The following PRICKLE1 variants were observed in gnomAD, a reference collection of about 807,000 sequenced individuals.
PRICKLE1 encodes the protein prickle-like protein 1.
In PRICKLE1, 14 loss-of-function variants were observed where a neutral mutation model predicts 70.2. That is an observed-to-expected ratio of 0.20 (90% confidence interval 0.13 to 0.31). The LOEUF (loss-of-function observed/expected upper bound fraction) is 0.31. PRICKLE1 is among the 10% of genes least tolerant of loss of function. PRICKLE1 has a pLI of 1.00. For synonymous variants in PRICKLE1, 357 were observed against 379.9 expected (o/e 0.94, Z 0.70); for missense variants, 821 against 1,026.2 (o/e 0.80, Z 2.73).
At chr12:42,533,200 ATTTTTTTTTCTTCTTT>A (rs1234308990) in intron 1 of PRICKLE1, among the ~76,000 whole-genome samples, 1 of 147,274 alleles carries the variant, frequency 6.8e-6, no homozygotes, top group Non-Finnish European at 1.5e-5. Flanking sequence ...CTGGGGATAG[ATTTTTTTTTCTTCTTT>A]TTTTTTTTTC....
At chr12:42,516,105 A>G (rs950193454) in intron 1 of PRICKLE1, among the ~76,000 whole-genome samples, 3 of 150,118 alleles carry the variant, frequency 2.0e-5, no homozygotes, top group African/African-American at 7.3e-5. Flanking sequence ...AGCTTCCAAG[A>G]CTTCTAGCAA....
chr12:42,511,060 G>T (rs1482929076), intron 1 of PRICKLE1, among the ~76,000 whole-genome samples: 1 of 152,208 alleles, frequency 6.6e-6, no homozygotes, highest in African/African-American at 2.4e-5. Context: ...GATGCCCTGG[G>T]TGTGCCCCTC....
chr12:42,546,865 C>T (rs1313182523), intron 1 of PRICKLE1, among the ~76,000 whole-genome samples: 1 of 152,108 alleles, frequency 6.6e-6, no homozygotes, highest in Non-Finnish European at 1.5e-5. Flanking sequence ...GTGGCTTTTT[C>T]GAAACCTTTA....
At chr12:42,552,312 C>T (rs1940332099) in intron 1 of PRICKLE1, among the ~76,000 whole-genome samples, 1 of 152,132 alleles carries the variant, frequency 6.6e-6, no homozygotes, top group Admixed American at 6.5e-5. Context: ...AAGCAATCCT[C>T]CCACCTTGGC....
intron 1 of PRICKLE1, among the ~76,000 whole-genome samples, chr12:42,521,837 T>C (rs989171612): frequency 3.3e-5 from 5 of 152,190 alleles, no homozygotes; most frequent in Admixed American, 3.3e-4. Flanking sequence ...AAAGCAATAG[T>C]GAAGAGTGAA....
intron 1 of PRICKLE1, among the ~76,000 whole-genome samples, chr12:42,547,653 TC>T (rs1340392188): frequency 3.9e-5 from 6 of 152,194 alleles, no homozygotes; most frequent in Non-Finnish European, 7.3e-5. Flanking sequence ...AATAATATGA[TC>T]TATTATCATT....
intron 2 of PRICKLE1, 69 bp downstream of exon 2, chr12:42,472,316 A>G (rs1338051814): frequency 1.9e-6 from 3 of 1,561,664 alleles, no homozygotes; most frequent in Non-Finnish European, 2.6e-6. Flanking sequence ...TCCATTTACA[A>G]AATAATGTTC....
intron 1 of PRICKLE1, among the ~76,000 whole-genome samples, chr12:42,489,425 C>T (rs1452202743): frequency 2.0e-5 from 3 of 150,070 alleles, no homozygotes; most frequent in African/African-American, 4.9e-5. Context: ...TTTGGAAGGC[C>T]GAGGTGGGCA....
At chr12:42,505,404 G>A (rs377219475) in intron 1 of PRICKLE1, among the ~76,000 whole-genome samples, 2 of 152,262 alleles carry the variant, frequency 1.3e-5, no homozygotes, top group African/African-American at 4.8e-5. Flanking sequence ...TATTAGATAT[G>A]ATGCATGGGA....
At chr12:42,545,303 C>A (rs1940188786) in intron 1 of PRICKLE1, among the ~76,000 whole-genome samples, 1 of 152,102 alleles carries the variant, frequency 6.6e-6, no homozygotes, top group South Asian at 2.1e-4. Context: ...CCATGTCTGG[C>A]CTCACACTGA....
intron 1 of PRICKLE1, chr12:42,484,112 C>T (rs1037561231): frequency 4.2e-4 from 63 of 151,112 alleles, no homozygotes; most frequent in Admixed American, 2.2e-3. Flanking sequence ...TCCCCGCTCC[C>T]GCCCGCGGGC....
intron 1 of PRICKLE1, among the ~76,000 whole-genome samples, chr12:42,585,932 G>A (rs1238993245): frequency 1.3e-5 from 2 of 152,136 alleles, no homozygotes; most frequent in Non-Finnish European, 2.9e-5. Context: ...TCCTTGGAAC[G>A]TGCTGTGGAG....
intron 1 of PRICKLE1, among the ~76,000 whole-genome samples, chr12:42,561,480 T>G (rs1202159708): frequency 6.6e-6 from 1 of 152,246 alleles, no homozygotes; most frequent in Non-Finnish European, 1.5e-5. Context: ...GGCATTTATC[T>G]TCTATGAATA....
chr12:42,531,194 C>T (rs912758004), intron 1 of PRICKLE1, among the ~76,000 whole-genome samples: 1 of 151,724 alleles, frequency 6.6e-6, no homozygotes, highest in African/African-American at 2.4e-5. Context: ...CTACAGGTGC[C>T]CGCCACCACG....
intron 1 of PRICKLE1, among the ~76,000 whole-genome samples, chr12:42,522,048 T>C (rs1481126057): frequency 6.6e-6 from 1 of 151,378 alleles, no homozygotes; most frequent in Non-Finnish European, 1.5e-5. Context: ...CGATCTCGGC[T>C]CACTGCAAGC....
At chr12:42,546,579 C>A (rs1940217295) in intron 1 of PRICKLE1, among the ~76,000 whole-genome samples, 1 of 152,034 alleles carries the variant, frequency 6.6e-6, no homozygotes, top group Non-Finnish European at 1.5e-5. Flanking sequence ...CATGGCGAAA[C>A]CCTGTTTTTA....
At chr12:42,558,024 A>C (rs565908717) in intron 1 of PRICKLE1, among the ~76,000 whole-genome samples, 1 of 152,326 alleles carries the variant, frequency 6.6e-6, no homozygotes, top group Admixed American at 6.5e-5. Flanking sequence ...GACAGCCTCC[A>C]AATCAGGCTT....
At chr12:42,550,908 T>G (rs1479544616) in intron 1 of PRICKLE1, among the ~76,000 whole-genome samples, 1 of 152,214 alleles carries the variant, frequency 6.6e-6, no homozygotes, top group Non-Finnish European at 1.5e-5. Context: ...GGCTGAACTC[T>G]AAAATCCTCA....
intron 5 of PRICKLE1, among the ~76,000 whole-genome samples, chr12:42,466,713 T>A (rs1236712078): frequency 6.6e-6 from 1 of 152,124 alleles, no homozygotes; most frequent in African/African-American, 2.4e-5. Context: ...AAGAACACAT[T>A]AACACGGAAA....
Sources: gnomAD v4.1 joint callset for allele counts (sites outside exome capture counted in the v4.1 genomes callset) on GRCh38, gnomAD v4.1.1 for gene constraint, MANE v1.5 for transcripts, NCBI Gene and HGNC (gene_info 2026-07-23, HGNC 2026-07-21) for gene names.